The following MAF variants were observed in gnomAD, a reference collection of about 807,000 sequenced individuals.
The protein encoded by MAF is MAF bZIP transcription factor, also known as transcription factor Maf.
A neutral mutation model predicts 22.0 loss-of-function variants in MAF; 10 were observed. The observed-to-expected ratio is 0.45, with a 90% CI of 0.28 to 0.77. The LOEUF is 0.77. MAF is among the 30% of genes least tolerant of loss of function. The pLI, the probability that MAF is intolerant of heterozygous loss-of-function variation, is 0.12. For missense variants in MAF, 544 were observed against 548.4 expected (o/e 0.99, Z 0.08); for synonymous variants, 337 against 255.8 (o/e 1.32, Z -3.03).
At chr16:79,390,906 G>T in the MAF span, among the ~76,000 whole-genome samples, 1 of 152,182 alleles carries the variant, frequency 6.6e-6, no homozygotes, top group African/African-American at 2.4e-5. Context: ...AAGGCCATCT[G>T]CTTTCCCTGA....
At chr16:79,426,627 C>T in the MAF span, among the ~76,000 whole-genome samples, 2 of 152,302 alleles carry the variant, frequency 1.3e-5, no homozygotes, top group East Asian at 3.9e-4. Context: ...ACACAGATTC[C>T]CCGAACCAAC....
the MAF span, among the ~76,000 whole-genome samples, chr16:79,564,110 C>T: frequency 4.6e-5 from 7 of 152,368 alleles, no homozygotes; most frequent in African/African-American, 1.4e-4. Context: ...TGGCCACTGC[C>T]GCCCCTTCAG....
the MAF span, among the ~76,000 whole-genome samples, chr16:79,499,661 C>T: frequency 2.0e-5 from 3 of 152,128 alleles, no homozygotes; most frequent in African/African-American, 7.2e-5. Context: ...TAGAAGGCAC[C>T]ATCCACGAAC....
the MAF span, among the ~76,000 whole-genome samples, chr16:79,457,200 G>T: frequency 6.6e-6 from 1 of 152,084 alleles, no homozygotes; most frequent in African/African-American, 2.4e-5. Flanking sequence ...AGCTTTGCAG[G>T]TATTTTCCAT....
the MAF span, among the ~76,000 whole-genome samples, chr16:79,561,616 T>C: frequency 6.6e-6 from 1 of 152,058 alleles, no homozygotes; most frequent in African/African-American, 2.4e-5. Context: ...GGTTTCCAGC[T>C]TCATCCATGT....
the MAF span, among the ~76,000 whole-genome samples, chr16:79,350,213 C>A: frequency 6.6e-6 from 1 of 152,200 alleles, no homozygotes; most frequent in Non-Finnish European, 1.5e-5. Context: ...TGGACCTAAA[C>A]CAGCTATGCT....
chr16:79,283,909 C>T, the MAF span, among the ~76,000 whole-genome samples: 1 of 147,294 alleles, frequency 6.8e-6, no homozygotes, highest in Non-Finnish European at 1.5e-5. Context: ...GGGAGCTAAT[C>T]TGCTTCACTC....
the MAF span, among the ~76,000 whole-genome samples, chr16:79,216,094 C>T: frequency 6.6e-6 from 1 of 152,164 alleles, no homozygotes; most frequent in African/African-American, 2.4e-5. Context: ...CTATGGCCAA[C>T]CCTATTTCTC....
chr16:79,351,243 C>T, the MAF span, among the ~76,000 whole-genome samples: 3 of 152,170 alleles, frequency 2.0e-5, no homozygotes, highest in Admixed American at 2.0e-4. Flanking sequence ...GCTGCCTTTG[C>T]TCATCCCTTC....
At chr16:79,408,606 G>GCCTTCCTT in the MAF span, among the ~76,000 whole-genome samples, 404 of 151,778 alleles carry the variant, frequency 2.7e-3, 4 homozygotes, top group Non-Finnish European at 4.0e-3. Flanking sequence ...CTTCATTCTT[G>GCCTTCCTT]CCTTCCTTCC....
chr16:79,526,375 C>T, the MAF span, among the ~76,000 whole-genome samples: 1 of 152,190 alleles, frequency 6.6e-6, no homozygotes, highest in Admixed American at 6.5e-5. Context: ...GATGCTGCTG[C>T]TGATTTGACG....
chr16:79,593,278 G>T (rs1450259580), downstream of MAF, among the ~76,000 whole-genome samples: 1 of 152,096 alleles, frequency 6.6e-6, no homozygotes. Flanking sequence ...ACTGTGCTTG[G>T]GAACCTTTGA....
At chr16:79,476,899 G>A in the MAF span, among the ~76,000 whole-genome samples, 4 of 152,306 alleles carry the variant, frequency 2.6e-5, no homozygotes, top group Admixed American at 6.5e-5. Context: ...CTGTGTGCAG[G>A]TCTGAGGAGA....
chr16:79,384,449 A>AAG, the MAF span, among the ~76,000 whole-genome samples: 1 of 110,618 alleles, frequency 9.0e-6, no homozygotes, highest in African/African-American at 3.6e-5. Context: ...CTGTCTCAAA[A>AAG]AGAAAAAAAA....
chr16:79,344,792 C>T, the MAF span, among the ~76,000 whole-genome samples: 2 of 152,180 alleles, frequency 1.3e-5, no homozygotes, highest in African/African-American at 2.4e-5. Context: ...TTAACACATG[C>T]TTCCAATATT....
chr16:79,303,683 T>G, the MAF span, among the ~76,000 whole-genome samples: 325 of 152,262 alleles, frequency 2.1e-3, 2 homozygotes, highest in African/African-American at 7.6e-3. Flanking sequence ...AGGAGTACTG[T>G]GTTGAGAAGG....
At chr16:79,578,870 T>C in the MAF span, among the ~76,000 whole-genome samples, 3 of 152,106 alleles carry the variant, frequency 2.0e-5, no homozygotes, top group Non-Finnish European at 2.9e-5. Context: ...AGAAATTTAT[T>C]TGCAGCAAGC....
At chr16:79,235,220 A>G in the MAF span, among the ~76,000 whole-genome samples, 3,683 of 152,104 alleles carry the variant, frequency 0.024, 94 homozygotes, top group Non-Finnish European at 0.036. Flanking sequence ...CTGGCAGTCA[A>G]TTTACCTCAT....
chr16:79,379,876 G>T, the MAF span, among the ~76,000 whole-genome samples: 1 of 152,190 alleles, frequency 6.6e-6, no homozygotes, highest in African/African-American at 2.4e-5. Flanking sequence ...AGGACTCAGT[G>T]AATGAGAAGA....
Sources: gnomAD v4.1 joint callset for allele counts (sites outside exome capture counted in the v4.1 genomes callset) on GRCh38, gnomAD v4.1.1 for gene constraint, MANE v1.5 for transcripts, NCBI Gene and HGNC (gene_info 2026-07-23, HGNC 2026-07-21) for gene names.